The following MYO16 variants were observed in gnomAD, a reference collection of about 807,000 sequenced individuals.
MYO16 encodes the protein myosin XVI.
MYO16 carries 94 observed loss-of-function variants against 205.3 expected under a neutral mutation model. The ratio of observed to expected loss-of-function variants is 0.46; its 90% CI spans 0.39 to 0.54. MYO16 has a LOEUF of 0.54. MYO16 is among the 20% of genes least tolerant of loss of function. The pLI, the probability that MYO16 is intolerant of heterozygous loss-of-function variation, is 0.00. For missense variants in MYO16, 2,315 were observed against 2,387.5 expected, an observed-to-expected ratio of 0.97 and a Z score of 0.63; for synonymous variants, 988 against 954.0, an observed-to-expected ratio of 1.04 and a Z score of -0.66.
chr13:108,678,362 C>G (rs1182450542), intron 2 of MYO16, among the ~76,000 whole-genome samples: 1 of 152,144 alleles, frequency 6.6e-6, no homozygotes, highest in Admixed American at 6.5e-5. Flanking sequence ...ATCATATTCA[C>G]AGAAGGGGAA....
chr13:109,012,931 G>T (rs1281158468), intron 22 of MYO16, among the ~76,000 whole-genome samples: 5 of 151,618 alleles, frequency 3.3e-5, no homozygotes, highest in Admixed American at 3.3e-4. Context: ...CCTTCCTGTT[G>T]AGTAGGATTT....
intron 16 of MYO16, among the ~76,000 whole-genome samples, chr13:108,918,583 G>C (rs1881603925): frequency 6.6e-6 from 1 of 152,222 alleles, no homozygotes; most frequent in African/African-American, 2.4e-5. Context: ...CCTATCTCCA[G>C]CAGTCCTGGC....
chr13:108,537,114 T>G, the MYO16 span, among the ~76,000 whole-genome samples: 1 of 152,112 alleles, frequency 6.6e-6, no homozygotes, highest in East Asian at 1.9e-4. Context: ...ACAATGTACC[T>G]AATAATGAAC....
rs567687974 is a variant in MYO16 at position 108,730,410 on chromosome 13, G to C, written c.507+2827G>C. 3.9e-4 allele frequency among the ~76,000 whole-genome samples: 59 copies of C among 152,160 alleles called. No homozygotes were observed. In the South Asian group the frequency reaches 0.012, roughly 31 times the overall value. Reference sequence around the variant, plus strand: ...GTCTAGGGTATTTCTTCATAGCAGCGTGAGAACAGGCTAATACAGCATAAT... The same window carrying C: ...GTCTAGGGTATTTCTTCATAGCAGCCTGAGAACAGGCTAATACAGCATAAT... On this transcript the variant is annotated intron_variant, in intron 4 of 34. Coordinates refer to ENST00000457511, the MANE Select transcript of MYO16 (RefSeq NM_001198950.3).
At chr13:108,659,188 G>A (rs758202807) in intron 1 of MYO16, among the ~76,000 whole-genome samples, 1 of 146,840 alleles carries the variant, frequency 6.8e-6, no homozygotes, top group African/African-American at 2.5e-5. Context: ...GAAACCATGT[G>A]TGTATATATA....
chr13:108,740,426 A>G (rs1884867277), intron 4 of MYO16, among the ~76,000 whole-genome samples: 1 of 152,194 alleles, frequency 6.6e-6, no homozygotes, highest in Non-Finnish European at 1.5e-5. Flanking sequence ...CCTGGGTATC[A>G]GCAGTGGAGG....
intron 34 of MYO16, among the ~76,000 whole-genome samples, chr13:109,200,378 C>T (rs1248780988): frequency 6.6e-6 from 1 of 152,102 alleles, no homozygotes; most frequent in Non-Finnish European, 1.5e-5. Context: ...CATGAAATCC[C>T]TCAATAAAGG....
intron 2 of MYO16, among the ~76,000 whole-genome samples, chr13:108,707,455 A>G (rs1363206939): frequency 6.6e-6 from 1 of 152,150 alleles, no homozygotes; most frequent in South Asian, 2.1e-4. Flanking sequence ...AAGCATAGTG[A>G]GGGTCGAGGG....
At chr13:108,808,201 G>A (rs150338338) in intron 7 of MYO16, among the ~76,000 whole-genome samples, 304 of 151,950 alleles carry the variant, frequency 2.0e-3, no homozygotes, top group Middle Eastern at 6.8e-3. Context: ...GACACAAAAA[G>A]TATCCCTACA....
At chr13:108,634,216 T>A (rs1395173600) in intron 1 of MYO16, among the ~76,000 whole-genome samples, 2 of 152,090 alleles carry the variant, frequency 1.3e-5, no homozygotes, top group African/African-American at 4.8e-5. Flanking sequence ...TTCTTCTAAC[T>A]CCAATCTCCC....
intron 11 of MYO16, among the ~76,000 whole-genome samples, chr13:108,862,068 TG>T (rs1344936080): frequency 6.6e-6 from 1 of 152,174 alleles, no homozygotes; most frequent in Non-Finnish European, 1.5e-5. Flanking sequence ...TAAGATATTT[TG>T]GTGCTGATCA....
At chr13:108,876,770 G>A (rs187970318) in intron 12 of MYO16, among the ~76,000 whole-genome samples, 10 of 151,236 alleles carry the variant, frequency 6.6e-5, no homozygotes, top group South Asian at 2.1e-4. Context: ...AGGTTCAAGC[G>A]ATTCTCCTGC....
intron 27 of MYO16, among the ~76,000 whole-genome samples, chr13:109,097,306 G>T (rs1340596202): frequency 6.6e-6 from 1 of 152,098 alleles, no homozygotes; most frequent in Non-Finnish European, 1.5e-5. Context: ...TCCAGCCTGG[G>T]CAACAAGAGT....
chr13:108,707,026 G>C (rs546992811), intron 2 of MYO16, among the ~76,000 whole-genome samples: 3 of 152,200 alleles, frequency 2.0e-5, no homozygotes, highest in Admixed American at 6.5e-5. Context: ...TGTCCAGGAG[G>C]GTGGCTGGTA....
chr13:108,859,576 T>C (rs904095296), intron 11 of MYO16, among the ~76,000 whole-genome samples: 1 of 152,158 alleles, frequency 6.6e-6, no homozygotes, highest in East Asian at 1.9e-4. Context: ...TTAGGGAGTT[T>C]CCACAGTCTG....
At chr13:108,612,854 A>G (rs888846244) in intron 1 of MYO16, among the ~76,000 whole-genome samples, 9 of 152,214 alleles carry the variant, frequency 5.9e-5, no homozygotes, top group Non-Finnish European at 1.2e-4. Flanking sequence ...GAGAAAATAA[A>G]CCAAGAAAAT....
intron 11 of MYO16, among the ~76,000 whole-genome samples, chr13:108,865,154 T>C (rs1230318930): frequency 6.6e-6 from 1 of 152,166 alleles, no homozygotes; most frequent in Non-Finnish European, 1.5e-5. Flanking sequence ...AACAAGCCAG[T>C]GTTCAACTTG....
intron 27 of MYO16, among the ~76,000 whole-genome samples, chr13:109,084,398 G>A (rs1461026681): frequency 6.6e-6 from 1 of 152,086 alleles, no homozygotes; most frequent in Non-Finnish European, 1.5e-5. Flanking sequence ...GTGACCAGGT[G>A]CCAATTAAAG....
At chr13:108,812,792 T>C (rs1193804255) in intron 7 of MYO16, among the ~76,000 whole-genome samples, 2 of 152,050 alleles carry the variant, frequency 1.3e-5, no homozygotes, top group Non-Finnish European at 2.9e-5. Context: ...AATACGACTA[T>C]AAAAAGAAAT....
Sources: gnomAD v4.1 joint callset for allele counts (sites outside exome capture counted in the v4.1 genomes callset) on GRCh38, gnomAD v4.1.1 for gene constraint, MANE v1.5 for transcripts, NCBI Gene and HGNC (gene_info 2026-07-23, HGNC 2026-07-21) for gene names.